The following GABRR2 variants were observed in gnomAD, a reference collection of about 807,000 sequenced individuals.
GABRR2 encodes gamma-aminobutyric acid receptor subunit rho-2.
A neutral mutation model predicts 47.0 loss-of-function variants in GABRR2; 36 were observed. That is an observed-to-expected ratio of 0.77 (90% CI 0.59 to 1.01). The LOEUF is 1.01. Among genes scored for constraint, GABRR2 ranks in the 50% least tolerant of loss-of-function variants. The pLI is 0.00. For missense variants in GABRR2, 587 were observed against 594.6 expected, an observed-to-expected ratio of 0.99 and a Z score of 0.13; for synonymous variants, 204 against 227.5, an observed-to-expected ratio of 0.90 and a Z score of 0.93.
chr6:89,275,990 C>G (rs73503943), intron 2 of GABRR2, among the ~76,000 whole-genome samples: 5,528 of 151,352 alleles, frequency 0.037, 351 homozygotes, highest in African/African-American at 0.13. Context: ...ACATAAATCC[C>G]CTCTGGAGGA....
chr6:89,302,381 A>C (rs1767463684), intron 1 of GABRR2: 1 of 568,490 alleles, frequency 1.8e-6, no homozygotes, highest in Admixed American at 1.9e-5. Context: ...TACTGCATCA[A>C]CAAGGAGGCG....
chr6:89,282,473 T>C (rs1774267237), intron 2 of GABRR2, among the ~76,000 whole-genome samples: 2 of 152,340 alleles, frequency 1.3e-5, no homozygotes, highest in South Asian at 4.1e-4. Flanking sequence ...TGGCTCTTGC[T>C]ATGAGAGCCC....
At chr6:89,270,045 G>A (rs574108370) in intron 3 of GABRR2, among the ~76,000 whole-genome samples, 4 of 152,298 alleles carry the variant, frequency 2.6e-5, no homozygotes, top group South Asian at 4.1e-4. Context: ...AGGAAGAGAG[G>A]AAAGAATGAG....
At position 89,268,091 on chromosome 6, in the gene GABRR2, G is replaced by A. The variant is rs567922436; in HGVS notation, c.518C>T (p.Thr173Met). The A allele has an allele frequency of 3.9e-5, 62 of 1,607,242 alleles. No individual in the cohort carries two copies. Among genetic ancestry groups the A allele is most frequent in the South Asian group, 2.0e-4 (18 of 89,716 alleles). ...DGHVLYSMRI[T>M]VTAMCNMDFS... is the part of the protein sequence containing the mutation. The stretch of plus-strand genomic sequence containing the variant: ...GTCCATGTTGCACATGGCAGTGACC[G>A]TAATCCTAGACAACCCAGAGTCACA... The change falls in exon 5 of 9, where the codon ACG (threonine) becomes ATG (methionine). Residue 173 changes from threonine to methionine, a missense_variant. Physicochemically the swap from Thr to Met is moderately conservative, Grantham distance 81. Transcript: ENST00000402938.
At chr6:89,306,159 T>C (rs1767555902) in intron 1 of GABRR2, among the ~76,000 whole-genome samples, 2 of 151,894 alleles carry the variant, frequency 1.3e-5, no homozygotes, top group Admixed American at 1.3e-4. Context: ...GGAGAATGGT[T>C]TGAGCCCAGG....
At chr6:89,313,116 C>G (rs7764875) in intron 1 of GABRR2, among the ~76,000 whole-genome samples, 19,514 of 152,172 alleles carry the variant, frequency 0.13, 2,441 homozygotes, top group African/African-American at 0.33. Context: ...AATCAGGAAC[C>G]TACATTCTAG....
intron 1 of GABRR2, chr6:89,303,105 C>A: frequency 1.5e-6 from 1 of 649,802 alleles, no homozygotes. Context: ...AGGCCCAGGG[C>A]CCCAAGTGAA....
chr6:89,294,864 C>A (rs1774529676), intron 2 of GABRR2, among the ~76,000 whole-genome samples: 1 of 143,584 alleles, frequency 7.0e-6, no homozygotes, highest in Non-Finnish European at 1.5e-5. Context: ...TTGTTCAATT[C>A]CCACCTATGA....
intron 2 of GABRR2, among the ~76,000 whole-genome samples, chr6:89,297,154 T>TA (rs796607081): frequency 5.9e-5 from 9 of 152,176 alleles, no homozygotes; most frequent in African/African-American, 9.7e-5. Flanking sequence ...TCTTCCTCTA[T>TA]AAAAAAATAT....
At chr6:89,303,151 G>A (rs150094985) in intron 1 of GABRR2, 299 of 450,784 alleles carry the variant, frequency 6.6e-4, no homozygotes, top group African/African-American at 2.6e-3. Flanking sequence ...AGGTGGCGCC[G>A]GTGCCAAGGC....
rs779945835 is a variant in GABRR2 at position 89,257,972 on chromosome 6, T to A, written c.1096A>T (p.Met366Leu). 6.2e-7 allele frequency: 1 copy of A among 1,613,028 alleles called. No homozygotes were observed. The highest frequency in any genetic ancestry group is 8.5e-7 in the Non-Finnish European group (1 of 1,179,480). ...GTTTTTGAATGAAGCATTCCACACA[T>A]GCACGGGAACTATGGGCAGCAAGCA... Reference protein sequence around the residue: ...ERKLREKFPCMCGMLHSKTMM... With the variant: ...ERKLREKFPCLCGMLHSKTMM... The change falls in exon 9 of 9, where the codon ATG becomes TTG. Residue 366 changes from methionine to leucine, a missense_variant. Transcript: ENST00000402938.
intron 8 of GABRR2, among the ~76,000 whole-genome samples, chr6:89,259,274 C>T (rs1423686460): frequency 6.6e-6 from 1 of 152,132 alleles, no homozygotes; most frequent in Non-Finnish European, 1.5e-5. Context: ...AATGAAGTTT[C>T]ACAACCTGCC....
At position 89,257,818 on chromosome 6, in the gene GABRR2, G is replaced by C. The variant is rs1275200824; in HGVS notation, c.1250C>G (p.Ala417Gly). Residue 417 changes from alanine (A) to glycine (G), a missense_variant, in exon 9 of 9, where the codon GCC (alanine) becomes GGC (glycine). By Grantham distance (60) the Ala-to-Gly change is moderately conservative. Transcript: ENST00000402938. ...IVVHLGLSGE[A>G]NAARKKGLLK... ...AAGCCCCTTCTTTCTGGCAGCGTTG[G>C]CTTCACCACTCAGGCCCAGGTGGAC... 1 of 1,614,078 alleles carries C rather than the reference G, an allele frequency of 6.2e-7. No individual in the cohort carries two copies. Among genetic ancestry groups the C allele is most frequent in the Middle Eastern group, 1.6e-4 (1 of 6,062 alleles).
At chr6:89,284,903 G>A (rs936316314) in intron 2 of GABRR2, among the ~76,000 whole-genome samples, 2 of 152,120 alleles carry the variant, frequency 1.3e-5, no homozygotes, top group South Asian at 4.2e-4. Flanking sequence ...GAACAGGGCC[G>A]GAACAGTTTA....
At chr6:89,261,331 TTAAAAA>T (rs1233550700) in intron 8 of GABRR2, among the ~76,000 whole-genome samples, 8 of 152,214 alleles carry the variant, frequency 5.3e-5, no homozygotes, top group African/African-American at 1.9e-4. Flanking sequence ...GACTAGAGCT[TTAAAAA>T]TAAGCAACCT....
chr6:89,289,366 T>G (rs1047402085), intron 2 of GABRR2, among the ~76,000 whole-genome samples: 1 of 152,130 alleles, frequency 6.6e-6, no homozygotes, highest in African/African-American at 2.4e-5. Context: ...GTTTGGAAAG[T>G]GAACCTGCCT....
At chr6:89,306,641 C>CGG (rs1767563684) in intron 1 of GABRR2, among the ~76,000 whole-genome samples, 1 of 152,192 alleles carries the variant, frequency 6.6e-6, no homozygotes, top group Non-Finnish European at 1.5e-5. Flanking sequence ...TTCCTCTAAA[C>CGG]CAGGTGACGG....
chr6:89,262,429 C>T (rs1386228622), intron 8 of GABRR2, among the ~76,000 whole-genome samples: 1 of 152,320 alleles, frequency 6.6e-6, no homozygotes, highest in African/African-American at 2.4e-5. Flanking sequence ...TACTCCAACA[C>T]CTTCTCCTTC....
intron 2 of GABRR2, among the ~76,000 whole-genome samples, chr6:89,277,628 T>C (rs1006680651): frequency 5.9e-5 from 3 of 51,052 alleles, no homozygotes; most frequent in Non-Finnish European, 9.9e-5. Context: ...AAAACACACA[T>C]GTACCTGAAT....
Sources: gnomAD v4.1 joint callset for allele counts (sites outside exome capture counted in the v4.1 genomes callset) on GRCh38, gnomAD v4.1.1 for gene constraint, MANE v1.5 for transcripts, NCBI Gene and HGNC (gene_info 2026-07-23, HGNC 2026-07-21) for gene names.